The following PHTF1 variants were observed in gnomAD, a reference collection of about 807,000 sequenced individuals.
PHTF1 encodes protein PHTF1.
Under a neutral mutation model 102.4 loss-of-function variants are expected in PHTF1, and 88 were observed. The ratio of observed to expected loss-of-function variants is 0.86; its 90% CI spans 0.72 to 1.03. PHTF1 has a LOEUF of 1.03. PHTF1 is among the 50% of genes least tolerant of loss of function. The pLI, the probability that PHTF1 is intolerant of heterozygous loss-of-function variation, is 0.00. For synonymous variants in PHTF1, 289 were observed against 305.2 expected, an observed-to-expected ratio of 0.95 and a Z score of 0.55; for missense variants, 814 against 909.5, an observed-to-expected ratio of 0.89 and a Z score of 1.35.
chr1:113,757,805 C>T (rs1659102785), intron 2 of PHTF1, 50 bp from the exon 3 acceptor site: 1 of 1,165,362 alleles, frequency 8.6e-7, no homozygotes, highest in Non-Finnish European at 1.3e-6. Flanking sequence ...GAAATCCTTA[C>T]ATTATTAAGT....
At chr1:113,722,560 A>G (rs1653129239) in intron 7 of PHTF1, among the ~76,000 whole-genome samples, 1 of 152,178 alleles carries the variant, frequency 6.6e-6, no homozygotes, top group Admixed American at 6.5e-5. Context: ...GATTCAATGC[A>G]ATCCCTATAA....
At chr1:113,699,861 A>G in intron 16 of PHTF1, 62 bp from the exon 17 acceptor site, 2 of 732,556 alleles carry the variant, frequency 2.7e-6, no homozygotes, top group South Asian at 3.4e-5. Flanking sequence ...ACTGCATAAA[A>G]TCTGGCATAT....
intron 7 of PHTF1, 56 bp downstream of exon 7, chr1:113,724,703 A>G (rs771392186): frequency 1.1e-5 from 15 of 1,406,702 alleles, no homozygotes; most frequent in Non-Finnish European, 1.4e-5. Context: ...GCCTGATGAT[A>G]CTATACATTC....
At chr1:113,710,811 T>TA (rs1553224753) in intron 10 of PHTF1, among the ~76,000 whole-genome samples, 43,455 of 81,028 alleles carry the variant, frequency 0.54, 8,559 homozygotes, top group Middle Eastern at 0.67. Context: ...TATATATATA[T>TA]TTTTTTTTTT....
At chr1:113,698,153 AC>A (rs2101063312) in intron 18 of PHTF1, 108 bp downstream of exon 18, 2 of 800 alleles carry the variant, frequency 2.5e-3, no homozygotes, top group Non-Finnish European at 6.8e-3. Context: ...CATGCTAGAA[AC>A]ACACACACAC....
intron 16 of PHTF1, chr1:113,700,195 T>C: frequency 3.2e-6 from 3 of 948,290 alleles, no homozygotes; most frequent in Non-Finnish European, 3.8e-6. Context: ...CCTTTTACTT[T>C]ACTAATTCCT....
At chr1:113,728,920 C>T (rs1352070831) in intron 5 of PHTF1, among the ~76,000 whole-genome samples, 1 of 151,984 alleles carries the variant, frequency 6.6e-6, no homozygotes, top group African/African-American at 2.4e-5. Flanking sequence ...TCAAAACAAA[C>T]AAAAAGAACA....
At position 113,710,447 on chromosome 1, in the gene PHTF1, G is replaced by A. The variant is rs1471378533; in HGVS notation, c.1076C>T (p.Ser359Phe). 2 of 1,613,728 alleles carry A rather than the reference G, an allele frequency of 1.2e-6. No individual in the cohort carries two copies. The highest frequency in any genetic ancestry group is 1.7e-5 in the Admixed American group (1 of 59,986). ...QGSRSGVSGG[S>F]RSLNMSRRDS... ...TCTTCTTGACATGTTGAGGCTTCGA[G>A]AGCCACCACTCACACCCGATCTAGA... Residue 359 changes from serine (S) to phenylalanine (F), a missense_variant, in exon 11 of 19, where the codon TCT (serine) becomes TTT (phenylalanine). Ser to Phe is a radical substitution (Grantham distance 155, BLOSUM62 -2). Coordinates refer to ENST00000369604, the MANE Select transcript of PHTF1 (RefSeq NM_001323043.2).
chr1:113,752,605 C>T (rs542863247), intron 3 of PHTF1, among the ~76,000 whole-genome samples: 1 of 151,912 alleles, frequency 6.6e-6, no homozygotes, highest in African/African-American at 2.4e-5. Context: ...AGGATGGTCT[C>T]GATCTCCTGA....
intron 3 of PHTF1, among the ~76,000 whole-genome samples, chr1:113,746,496 A>T (rs1252926661): frequency 6.6e-6 from 1 of 152,206 alleles, no homozygotes; most frequent in Non-Finnish European, 1.5e-5. Flanking sequence ...GTGCAGCCAT[A>T]TAATCTTCTT....
rs756340177 is a variant in PHTF1 at position 113,704,095 on chromosome 1, T to C, written c.1876A>G (p.Ile626Val). 3.0e-5 allele frequency: 49 copies of C among 1,610,768 alleles called. 1 individual carries two copies. In the South Asian group the frequency reaches 5.4e-4, roughly 18 times the overall value. ...GAAACTTTTACCTGAGCACAACAAA[T>C]GAAAGCAATCGAAAGTGTCAGTAGG... Reference protein sequence around the residue: ...VFLLTLSIAFICCAQVLQGHK... With the variant: ...VFLLTLSIAFVCCAQVLQGHK... Residue 626 changes from isoleucine (I) to valine (V), a missense_variant, in exon 15 of 19, where the codon ATT (isoleucine) becomes GTT (valine). Coordinates refer to ENST00000369604, the MANE Select transcript of PHTF1 (RefSeq NM_001323043.2).
At chr1:113,750,999 C>T (rs1657992070) in intron 3 of PHTF1, among the ~76,000 whole-genome samples, 1 of 151,972 alleles carries the variant, frequency 6.6e-6, no homozygotes, top group African/African-American at 2.4e-5. Flanking sequence ...TGGTGGCTTA[C>T]ATCTGTAATC....
At chr1:113,706,752 T>A in intron 11 of PHTF1, 30 bp from the exon 12 acceptor site, 2 of 1,558,092 alleles carry the variant, frequency 1.3e-6, no homozygotes, top group Non-Finnish European at 1.7e-6. Context: ...ATTGTTTCTA[T>A]CCATGCCCTC....
In PHTF1 at chr1:113,706,740, A is replaced by T. The variant is rs575718188; in HGVS notation, c.1270-18T>A. On this transcript the variant is annotated intron_variant, in intron 11 of 18. Coordinates refer to ENST00000369604, the MANE Select transcript of PHTF1 (RefSeq NM_001323043.2). ...AAATGATTCTGAGAAGAAAAATATA[A>T]AATTGTTTCTATCCATGCCCTCTTG... is the stretch of plus-strand genomic sequence containing the variant. The T allele has an allele frequency of 6.3e-7, 1 of 1,582,186 alleles. No individual in the cohort carries two copies. Among genetic ancestry groups the T allele is most frequent in the East Asian group, 2.3e-5 (1 of 44,140 alleles).
At chr1:113,733,243 A>T (rs1360381282) in intron 5 of PHTF1, among the ~76,000 whole-genome samples, 1 of 151,780 alleles carries the variant, frequency 6.6e-6, no homozygotes, top group Non-Finnish European at 1.5e-5. Flanking sequence ...TGGTAAGACC[A>T]TGGTAAAACA....
Position 113,705,972 on chromosome 1 carries a change from G to A in PHTF1, c.1589C>T (p.Ser530Leu), listed in dbSNP as rs376954475. 112 of 1,613,314 alleles carry A rather than the reference G, an allele frequency of 6.9e-5. No homozygotes were observed. Among genetic ancestry groups the A allele is most frequent in the Non-Finnish European group, 9.0e-5 (106 of 1,179,692 alleles). The change falls in exon 13 of 19, where the codon TCG (serine) becomes TTG (leucine). Residue 530 changes from serine (S) to leucine (L), a missense_variant. Transcript: ENST00000369604. ...APPVTPIIVL[S>L]IINFFERLCL... ...CAATCTTTCAAAAAAATTAATTATC[G>A]ACAAAACAATAATAGGTGTAACAGG...
At position 113,705,702 on chromosome 1, in the gene PHTF1, G is replaced by T. The variant is rs1369585552; in HGVS notation, c.1671+188C>A. The T allele has an allele frequency of 1.2e-5, 7 of 572,062 alleles. No individual in the cohort carries two copies. The South Asian group carries it at 1.8e-4, about 15-fold the overall frequency. 35.4% of individuals were successfully genotyped at this position (572,062 alleles called of 1,614,324 possible). On this transcript the variant is annotated intron_variant, in intron 13 of 18. Transcript: ENST00000369604. ...ACACATGAGGCCTGGCAAAATTTCA[G>T]ATTACAACGTGTAATATGTAAATAG... is the stretch of plus-strand genomic sequence containing the variant.
intron 16 of PHTF1, chr1:113,700,015 G>GAAAAATTAATT (rs1307385059): frequency 1.0e-6 from 1 of 990,774 alleles, no homozygotes; most frequent in Non-Finnish European, 1.3e-6. Flanking sequence ...AAAAATTAAT[G>GAAAAATTAATT]ATGAAGCAAT....
chr1:113,741,427 A>G (rs1353695218), intron 3 of PHTF1, among the ~76,000 whole-genome samples: 3 of 152,200 alleles, frequency 2.0e-5, no homozygotes, highest in Non-Finnish European at 2.9e-5. Flanking sequence ...TGTGTACTAT[A>G]TTCAAAATCA....
Sources: gnomAD v4.1 joint callset for allele counts (sites outside exome capture counted in the v4.1 genomes callset) on GRCh38, gnomAD v4.1.1 for gene constraint, MANE v1.5 for transcripts, NCBI Gene and HGNC (gene_info 2026-07-23, HGNC 2026-07-21) for gene names.